Variants in CFAP299 observed in about 807,000 individuals in gnomAD.
The protein encoded by CFAP299 is cilia- and flagella-associated protein 299.
Under a neutral mutation model 27.0 loss-of-function variants are expected in CFAP299, and 21 were observed. That is an observed-to-expected ratio of 0.78 (90% CI 0.55 to 1.12). The LOEUF is 1.12. Ranked by LOEUF, CFAP299 falls within the 50% of genes most tolerant of loss-of-function variation. The probability of loss-of-function intolerance (pLI) is 0.00; values close to 1 mark genes in which losing one functional copy is unlikely to be tolerated. For synonymous variants in CFAP299, 104 were observed against 98.1 expected, an observed-to-expected ratio of 1.06 and a Z score of -0.36; for missense variants, 310 against 276.6, an observed-to-expected ratio of 1.12 and a Z score of -0.86.
intron 3 of CFAP299, among the ~76,000 whole-genome samples, chr4:80,587,518 C>T (rs1044021828): frequency 1.3e-5 from 2 of 152,166 alleles, no homozygotes; most frequent in African/African-American, 4.8e-5. Flanking sequence ...ATAATTTTCA[C>T]ACTGCTGAGA....
chr4:80,661,234 G>A (rs1421028649), intron 3 of CFAP299, among the ~76,000 whole-genome samples: 3 of 150,862 alleles, frequency 2.0e-5, no homozygotes, highest in African/African-American at 7.3e-5. Context: ...GCTGCAACAA[G>A]AGAATTGCTT....
chr4:80,341,122 G>T (rs984611879), intron 1 of CFAP299, among the ~76,000 whole-genome samples: 14 of 152,252 alleles, frequency 9.2e-5, no homozygotes, highest in African/African-American at 2.6e-4. Flanking sequence ...TTCCCACTGG[G>T]CAGGGGCCTC....
rs1352651407 is a variant in CFAP299, at chr4:80,558,350, G to GTT, written c.243-24741_243-24740dup. Among the ~76,000 whole-genome samples the GTT allele has an allele frequency of 2.5e-3, 334 of 132,088 alleles. 21 individuals carry two copies. The highest frequency in any genetic ancestry group is 9.8e-3 in the African/African-American group (323 of 32,942). 86.7% of individuals were successfully genotyped at this position (132,088 alleles called of 152,430 possible). A position where few individuals can be genotyped will look rare whatever the true frequency, so the allele number is the denominator to read the frequency against. On this transcript the variant is annotated intron_variant, in intron 2 of 5. Transcript: ENST00000358105. ...GAAGACTTTTGTGGTTTTTTTGTTTGTTTGTTTGTTTGTTTGTTTTTTTTT... is the reference window on the plus strand; with the variant it reads ...GAAGACTTTTGTGGTTTTTTTGTTTGTTTTTGTTTGTTTGTTTGTTTTTTTTT...
At chr4:80,390,510 C>CACATATATATGTATATATGTATAT (rs1297965892) in intron 2 of CFAP299, among the ~76,000 whole-genome samples, 1 of 49,794 alleles carries the variant, frequency 2.0e-5, no homozygotes, top group African/African-American at 4.5e-5. Context: ...TGTATATATA[C>CACATATATATGTATATATGTATAT]ACACATATAT....
chr4:80,535,178 G>A (rs899719533), intron 2 of CFAP299, among the ~76,000 whole-genome samples: 3 of 152,092 alleles, frequency 2.0e-5, no homozygotes, highest in South Asian at 4.1e-4. Context: ...ACTAGTTCCC[G>A]CTTCTCAGAC....
rs141343815 is a variant in CFAP299 at position 80,666,659 on chromosome 4, C to A, written c.333+83476C>A. On this transcript the variant is annotated intron_variant, in intron 3 of 5. Coordinates refer to ENST00000358105, the MANE Select transcript of CFAP299 (RefSeq NM_152770.3). ...GACTCATTCAACATCATTTCCAACC[C>A]CCTTTGATCTTGCCTTCTTGTATGT... Among the ~76,000 whole-genome samples, 999 of 152,256 alleles carry A rather than the reference C, an allele frequency of 6.6e-3. 22 individuals carry two copies. Among genetic ancestry groups the A allele is most frequent in the African/African-American group, 0.023 (960 of 41,532 alleles).
intron 3 of CFAP299, among the ~76,000 whole-genome samples, chr4:80,860,284 G>A (rs1011738798): frequency 6.6e-6 from 1 of 152,070 alleles, no homozygotes; most frequent in Non-Finnish European, 1.5e-5. Flanking sequence ...GCACTTCTCT[G>A]TATTGGTTAT....
Position 80,868,905 on chromosome 4 carries a change from C to G in CFAP299, c.334-1088C>G, listed in dbSNP as rs1026454391. 8.6e-3 allele frequency among the ~76,000 whole-genome samples: 1,189 copies of G among 137,666 alleles called. 8 individuals are homozygous for G. The highest frequency in any genetic ancestry group is 0.012 in the Non-Finnish European group (759 of 63,848). 90.3% of individuals were successfully genotyped at this position (137,666 alleles called of 152,430 possible). On this transcript the variant is annotated intron_variant, in intron 3 of 5. Transcript: ENST00000358105. ...ATTCCATGGGTGGGGGCTTCTCTCT[C>G]TGTGTGTGTGTGTGTGTGTGTGTGT... is the stretch of plus-strand genomic sequence containing the variant.
intron 3 of CFAP299, among the ~76,000 whole-genome samples, chr4:80,827,067 TA>T (rs1348428380): frequency 6.6e-6 from 1 of 151,768 alleles, no homozygotes; most frequent in Non-Finnish European, 1.5e-5. Context: ...ATGCTTACAT[TA>T]AAACAGAGAT....
At chr4:80,371,802 A>G (rs913356864) in intron 2 of CFAP299, among the ~76,000 whole-genome samples, 6 of 152,116 alleles carry the variant, frequency 3.9e-5, no homozygotes, top group African/African-American at 1.4e-4. Context: ...TTTGGTTACA[A>G]TCATTCAACA....
intron 4 of CFAP299, among the ~76,000 whole-genome samples, chr4:80,899,051 A>T (rs748730520): frequency 6.6e-6 from 1 of 152,234 alleles, no homozygotes; most frequent in Non-Finnish European, 1.5e-5. Context: ...TGGATTTAAC[A>T]GTCTCTGCCC....
chr4:80,651,665 G>A (rs980660859), intron 3 of CFAP299, among the ~76,000 whole-genome samples: 1 of 150,386 alleles, frequency 6.6e-6, no homozygotes, highest in Non-Finnish European at 1.5e-5. Flanking sequence ...GTGCCCGGGC[G>A]AATCTCACTT....
chr4:80,556,450 T>G (rs1316533104), intron 2 of CFAP299, among the ~76,000 whole-genome samples: 1 of 152,050 alleles, frequency 6.6e-6, no homozygotes, highest in Non-Finnish European at 1.5e-5. Context: ...TTAAGACGTG[T>G]AAGAACTTTA....
At chr4:80,767,977 A>T (rs563548977) in intron 3 of CFAP299, among the ~76,000 whole-genome samples, 1 of 152,322 alleles carries the variant, frequency 6.6e-6, no homozygotes, top group East Asian at 1.9e-4. Flanking sequence ...TTGATATTTT[A>T]AAAACCAAAG....
intron 2 of CFAP299, among the ~76,000 whole-genome samples, chr4:80,500,305 C>T (rs759927529): frequency 2.0e-5 from 3 of 152,090 alleles, no homozygotes; most frequent in Non-Finnish European, 4.4e-5. Context: ...ATCTGCCATT[C>T]CATGGAAAGC....
intron 2 of CFAP299, among the ~76,000 whole-genome samples, chr4:80,490,746 A>G (rs1560591205): frequency 6.6e-6 from 1 of 152,208 alleles, no homozygotes; most frequent in Non-Finnish European, 1.5e-5. Flanking sequence ...TAAAAATCCC[A>G]CAGTTTGAAA....
intron 3 of CFAP299, among the ~76,000 whole-genome samples, chr4:80,794,145 C>T (rs1727722515): frequency 6.6e-6 from 1 of 152,164 alleles, no homozygotes; most frequent in African/African-American, 2.4e-5. Context: ...GGGTCAATCA[C>T]CCCAGCCAAC....
chr4:80,823,122 AC>A (rs1729797315), intron 3 of CFAP299, among the ~76,000 whole-genome samples: 1 of 152,006 alleles, frequency 6.6e-6, no homozygotes, highest in Non-Finnish European at 1.5e-5. Context: ...CCTACTTAGC[AC>A]CTCCTATCTT....
intron 4 of CFAP299, among the ~76,000 whole-genome samples, chr4:80,906,432 A>G (rs1311116833): frequency 1.3e-5 from 2 of 152,178 alleles, no homozygotes; most frequent in Non-Finnish European, 2.9e-5. Flanking sequence ...GGCCTGGAGG[A>G]TGGTGGCCCT....
Sources: allele counts gnomAD v4.1 joint callset (sites outside exome capture counted in the v4.1 genomes callset), GRCh38; gene constraint gnomAD v4.1.1; transcripts MANE v1.5; gene names NCBI Gene and HGNC (gene_info 2026-07-23, HGNC 2026-07-21).